YAP1: variants seen among roughly 807,000 people sequenced by gnomAD.
The protein encoded by YAP1 is Yes1 associated transcriptional regulator, also known as transcriptional coactivator YAP1.
Under a neutral mutation model 56.9 loss-of-function variants are expected in YAP1, and 5 were observed. The observed-to-expected ratio is 0.09, with a 90% confidence interval of 0.05 to 0.18. The LOEUF is 0.18. YAP1 is among the 10% of genes least tolerant of loss of function. The pLI is 1.00. For synonymous variants in YAP1, 265 were observed against 248.1 expected, an observed-to-expected ratio of 1.07 and a Z score of -0.64; for missense variants, 539 against 651.8, an observed-to-expected ratio of 0.83 and a Z score of 1.88.
intron 2 of YAP1, among the ~76,000 whole-genome samples, chr11:102,128,578 C>G (rs1012178052): frequency 3.3e-5 from 5 of 152,170 alleles, no homozygotes; most frequent in African/African-American, 1.2e-4. Context: ...TCCTTAAGTG[C>G]TTTTAACAAG....
At chr11:102,135,238 A>G (rs1944607169) in intron 2 of YAP1, among the ~76,000 whole-genome samples, 1 of 152,144 alleles carries the variant, frequency 6.6e-6, no homozygotes, top group Admixed American at 6.5e-5. Flanking sequence ...TACCATCTAC[A>G]TGTGTATTTC....
rs145235107 is a variant in YAP1, at chr11:102,176,592, A to G, written c.689-9426A>G. 2.7e-3 allele frequency among the ~76,000 whole-genome samples: 403 copies of G among 151,854 alleles called. 1 individual carries two copies. The highest frequency in any genetic ancestry group is 9.3e-3 in the African/African-American group (386 of 41,362). On this transcript the variant is annotated intron_variant, in intron 3 of 8. Transcript: ENST00000282441. ...AAACCTCATCTCTACTAAAAATAAC[A>G]AAAGTTAGCCGGGTGTGGTGGTGCA...
At chr11:102,207,727 A>G (rs1262988587) in intron 5 of YAP1, among the ~76,000 whole-genome samples, 1 of 152,188 alleles carries the variant, frequency 6.6e-6, no homozygotes, top group Non-Finnish European at 1.5e-5. Context: ...AAGCCATGGC[A>G]TCTGAGACAG....
chr11:102,152,844 A>G (rs1365569184), intron 2 of YAP1, among the ~76,000 whole-genome samples: 2 of 152,188 alleles, frequency 1.3e-5, no homozygotes, highest in Non-Finnish European at 2.9e-5. Flanking sequence ...AAATATATGT[A>G]TTCTGGGTTT....
At chr11:102,205,332 G>T (rs1276537941) in intron 4 of YAP1, among the ~76,000 whole-genome samples, 1 of 152,022 alleles carries the variant, frequency 6.6e-6, no homozygotes, top group African/African-American at 2.4e-5. Flanking sequence ...TGATTATTTT[G>T]ATGGGCTTTG....
intron 2 of YAP1, among the ~76,000 whole-genome samples, chr11:102,136,466 A>G (rs1013889585): frequency 2.0e-5 from 3 of 151,690 alleles, no homozygotes; most frequent in Non-Finnish European, 4.4e-5. Flanking sequence ...TCAGCCTCCT[A>G]AGTAGCTGGG....
chr11:102,150,809 T>C (rs960960535), intron 2 of YAP1, among the ~76,000 whole-genome samples: 1 of 146,906 alleles, frequency 6.8e-6, no homozygotes, highest in African/African-American at 2.5e-5. Context: ...ATGGTTTTTT[T>C]TTTTTTTTTT....
In YAP1 at chr11:102,172,533, T is replaced by C. The variant is rs550729671; in HGVS notation, c.688+9962T>C. Among the ~76,000 whole-genome samples, 4 of 149,472 alleles carry C rather than the reference T, an allele frequency of 2.7e-5. No homozygotes were observed. In the South Asian group the frequency reaches 8.6e-4, roughly 32 times the overall value. ...AGGTGGGCATGGTAGTGTATGCCTA[T>C]AGTCCCAGCTTTTTGGCAGCTTTTC... On this transcript the variant is annotated intron_variant, in intron 3 of 8. Transcript: ENST00000282441.
intron 4 of YAP1, among the ~76,000 whole-genome samples, chr11:102,201,087 A>G (rs1948830008): frequency 6.6e-6 from 1 of 152,204 alleles, no homozygotes; most frequent in African/African-American, 2.4e-5. Flanking sequence ...ATCTACCCAA[A>G]GATATAGTAG....
chr11:102,184,907 C>A (rs776399681), intron 3 of YAP1, among the ~76,000 whole-genome samples: 6 of 152,222 alleles, frequency 3.9e-5, no homozygotes, highest in Non-Finnish European at 7.3e-5. Context: ...TTGTACCAGA[C>A]TGATCAACCT....
intron 2 of YAP1, among the ~76,000 whole-genome samples, chr11:102,124,113 C>T (rs935643717): frequency 6.6e-6 from 1 of 151,796 alleles, no homozygotes; most frequent in Admixed American, 6.6e-5. Context: ...CACCATGCCC[C>T]AGCTAATTTT....
Position 102,150,802 on chromosome 11 carries a change from G to GTT in YAP1, c.573-11638_573-11637dup, listed in dbSNP as rs370378973. Among the ~76,000 whole-genome samples the GTT allele has an allele frequency of 5.1e-4, 55 of 108,064 alleles. 2 individuals are homozygous for GTT. The highest frequency in any genetic ancestry group is 1.3e-3 in the African/African-American group (40 of 31,268). The allele number at this position is 108,064 out of a possible 152,430, so 70.9% of individuals were successfully genotyped here. On this transcript the variant is annotated intron_variant, in intron 2 of 8. Coordinates refer to ENST00000282441, the MANE Select transcript of YAP1 (RefSeq NM_001130145.3). The stretch of plus-strand genomic sequence containing the variant: ...TTCAGTGAAAACATACATACAAATG[G>GTT]TTTTTTTTTTTTTTTTTGGAGACAG...
chr11:102,115,641 A>G (rs897122390), intron 2 of YAP1, among the ~76,000 whole-genome samples: 1 of 150,574 alleles, frequency 6.6e-6, no homozygotes. Flanking sequence ...CCTGGTATCC[A>G]TTTCAAAGGA....
intron 3 of YAP1, among the ~76,000 whole-genome samples, chr11:102,182,099 G>C (rs567544334): frequency 6.6e-6 from 1 of 152,138 alleles, no homozygotes. Context: ...GATTACAGGC[G>C]TGAGCCACCA....
At position 102,110,546 on chromosome 11, in the gene YAP1, T is replaced by C. The variant is rs7106388; in HGVS notation, c.-303T>C. The C allele has an allele frequency of 0.55, 104,483 of 190,512 alleles. 30,076 individuals carry two copies. The highest frequency in any genetic ancestry group is 0.74 in the East Asian group (5,257 of 7,062). 11.8% of individuals were successfully genotyped at this position (190,512 alleles called of 1,614,324 possible). ...GGGGAGGCGGGGAAAGGCAACGAGC[T>C]GTCCGGCCTCCGTCAAGGGAGTTGG... is the stretch of plus-strand genomic sequence containing the variant. On this transcript the variant is annotated 5_prime_UTR_variant, in exon 1 of 9. Transcript: ENST00000282441.
At position 102,125,378 on chromosome 11, in the gene YAP1, C is replaced by CT. The variant is rs141361882; in HGVS notation, c.572+11000dup. ...CATTCTTTTTTTTTTCTTTTCTTTT[C>CT]TTTTTTTTTTTTTTTTGAGACAGAG... On this transcript the variant is annotated intron_variant, in intron 2 of 8. Coordinates refer to ENST00000282441, the MANE Select transcript of YAP1 (RefSeq NM_001130145.3). Among the ~76,000 whole-genome samples the CT allele has an allele frequency of 8.4e-3, 974 of 115,286 alleles. 14 individuals carry two copies. The highest frequency in any genetic ancestry group is 0.021 in the African/African-American group (640 of 30,534). 75.6% of individuals were successfully genotyped at this position (115,286 alleles called of 152,430 possible).
intron 3 of YAP1, among the ~76,000 whole-genome samples, chr11:102,170,836 G>T (rs1403865595): frequency 6.6e-6 from 1 of 152,018 alleles, no homozygotes; most frequent in Non-Finnish European, 1.5e-5. Flanking sequence ...AGGTATGATG[G>T]TGGGTGCCTG....
intron 2 of YAP1, among the ~76,000 whole-genome samples, chr11:102,137,592 A>G (rs900901855): frequency 6.6e-6 from 1 of 152,210 alleles, no homozygotes; most frequent in African/African-American, 2.4e-5. Flanking sequence ...AGAATGCTTA[A>G]AAGACTTTGC....
At chr11:102,190,889 A>G (rs532529927) in intron 4 of YAP1, among the ~76,000 whole-genome samples, 1 of 152,070 alleles carries the variant, frequency 6.6e-6, no homozygotes, top group African/African-American at 2.4e-5. Flanking sequence ...GTGAGCTAAG[A>G]TGGTGCACTG....
Sources: allele counts gnomAD v4.1 joint callset (sites outside exome capture counted in the v4.1 genomes callset), GRCh38; gene constraint gnomAD v4.1.1; transcripts MANE v1.5; gene names NCBI Gene and HGNC (gene_info 2026-07-23, HGNC 2026-07-21).